BTRC: variants seen among roughly 807,000 people sequenced by gnomAD.
The protein encoded by BTRC is beta-transducin repeat containing E3 ubiquitin protein ligase.
Under a neutral mutation model 85.5 loss-of-function variants are expected in BTRC, and 42 were observed. The ratio of observed to expected loss-of-function variants is 0.49; its 90% CI spans 0.38 to 0.64. The LOEUF is 0.64. Among genes scored for constraint, BTRC ranks in the 30% least tolerant of loss-of-function variants. The pLI, the probability that BTRC is intolerant of heterozygous loss-of-function variation, is 0.00. For synonymous variants in BTRC, 255 were observed against 263.3 expected (o/e 0.97, Z 0.30); for missense variants, 594 against 743.5 (o/e 0.80, Z 2.34).
intron 4 of BTRC, among the ~76,000 whole-genome samples, chr10:101,495,342 T>A (rs943245521): frequency 1.3e-5 from 2 of 152,340 alleles, no homozygotes; most frequent in African/African-American, 4.8e-5. Flanking sequence ...TAGATATTTC[T>A]CTCCTGGCTT....
At chr10:101,414,010 AT>A (rs1482694242) in intron 1 of BTRC, among the ~76,000 whole-genome samples, 8 of 152,274 alleles carry the variant, frequency 5.3e-5, no homozygotes, top group Non-Finnish European at 5.9e-5. Flanking sequence ...CATCTTAACC[AT>A]TTTTAAGTGT....
chr10:101,362,307 T>C (rs550764089), intron 1 of BTRC, among the ~76,000 whole-genome samples: 1 of 151,978 alleles, frequency 6.6e-6, no homozygotes, highest in Non-Finnish European at 1.5e-5. Flanking sequence ...AGTTTGGCTT[T>C]CCTTTCAGGG....
chr10:101,418,687 C>G (rs1271631213), intron 1 of BTRC, among the ~76,000 whole-genome samples: 1 of 151,584 alleles, frequency 6.6e-6, no homozygotes, highest in Non-Finnish European at 1.5e-5. Flanking sequence ...GTATAATTGG[C>G]AAACAAAAAT....
intron 1 of BTRC, among the ~76,000 whole-genome samples, chr10:101,365,824 A>G (rs1202353063): frequency 6.6e-6 from 1 of 152,174 alleles, no homozygotes; most frequent in Non-Finnish European, 1.5e-5. Flanking sequence ...GTGAATATAT[A>G]TCATAATCGG....
intron 13 of BTRC, among the ~76,000 whole-genome samples, chr10:101,547,328 CTTT>C (rs71016332): frequency 1.3e-5 from 1 of 79,636 alleles, no homozygotes; most frequent in African/African-American, 4.6e-5. Flanking sequence ...TATGGTTTTT[CTTT>C]TTTTTTTTTT....
intron 3 of BTRC, among the ~76,000 whole-genome samples, chr10:101,468,751 T>C (rs1945445228): frequency 6.6e-6 from 1 of 152,200 alleles, no homozygotes; most frequent in African/African-American, 2.4e-5. Flanking sequence ...TTTGCAAGGT[T>C]AAAACAATGC....
In BTRC at chr10:101,528,702, TA is replaced by T. The variant is rs1191032672; in HGVS notation, c.743+2512del. Among the ~76,000 whole-genome samples, 11 of 151,890 alleles carry T rather than the reference TA, an allele frequency of 7.2e-5. No individual in the cohort carries two copies. In the South Asian group the frequency reaches 2.3e-3, roughly 32 times the overall value. On this transcript the variant is annotated intron_variant, in intron 6 of 14. Transcript: ENST00000370187. ...CCTGTGTCAGTTTTCTTCCCTTTTT[TA>T]AAAAAAAATTTACTCCATCAGTTTC...
intron 4 of BTRC, 29 bp from the exon 5 acceptor site, chr10:101,521,610 T>C: frequency 6.7e-7 from 1 of 1,498,938 alleles, no homozygotes; most frequent in Non-Finnish European, 9.2e-7. Context: ...TACTAATCAT[T>C]TTATGTTTCT....
At chr10:101,502,098 C>G (rs919486519) in intron 4 of BTRC, among the ~76,000 whole-genome samples, 1 of 152,124 alleles carries the variant, frequency 6.6e-6, no homozygotes, top group African/African-American at 2.4e-5. Flanking sequence ...CTGCCTATTT[C>G]TGAGAGAAAG....
chr10:101,508,725 T>C (rs1946606079), intron 4 of BTRC, among the ~76,000 whole-genome samples: 3 of 151,950 alleles, frequency 2.0e-5, no homozygotes, highest in Non-Finnish European at 4.4e-5. Flanking sequence ...CCACCCTGGC[T>C]AACACGGTGA....
At chr10:101,452,409 G>A (rs1944975066) in intron 2 of BTRC, among the ~76,000 whole-genome samples, 1 of 152,196 alleles carries the variant, frequency 6.6e-6, no homozygotes, top group South Asian at 2.1e-4. Context: ...CAACCAGATT[G>A]GAATTCTCCT....
intron 1 of BTRC, among the ~76,000 whole-genome samples, chr10:101,372,039 A>G (rs1012142040): frequency 9.2e-5 from 14 of 151,780 alleles, no homozygotes; most frequent in African/African-American, 3.4e-4. Context: ...TTGCAGGGTC[A>G]TTTTTGTCAT....
intron 4 of BTRC, among the ~76,000 whole-genome samples, chr10:101,512,840 A>G (rs2061973997): frequency 6.6e-6 from 1 of 152,188 alleles, no homozygotes; most frequent in Non-Finnish European, 1.5e-5. Context: ...TGTGGAGACA[A>G]CTGTTCACTA....
intron 2 of BTRC, among the ~76,000 whole-genome samples, chr10:101,439,226 A>G (rs536834465): frequency 3.9e-5 from 6 of 152,322 alleles, no homozygotes; most frequent in African/African-American, 1.2e-4. Context: ...TGAGATGGAA[A>G]CACAAATTGG....
At position 101,368,482 on chromosome 10, in the gene BTRC, T is replaced by C. The variant is rs1176637482; in HGVS notation, c.48+14254T>C. 1.5e-4 allele frequency among the ~76,000 whole-genome samples: 21 copies of C among 139,484 alleles called. No homozygotes were observed. The East Asian group carries it at 1.9e-3, about 13-fold the overall frequency. The allele number at this position is 139,484 out of a possible 152,430, so 91.5% of individuals were successfully genotyped here. ...TGTTTTTCTTTTTTTTTTTTTTTTT[T>C]TTTTTTTTTTTTTTAGAGACAGGGT... On this transcript the variant is annotated intron_variant, in intron 1 of 14. Coordinates refer to ENST00000370187, the MANE Select transcript of BTRC (RefSeq NM_033637.4).
chr10:101,529,029 A>G (rs1039881768), intron 6 of BTRC, among the ~76,000 whole-genome samples: 4 of 152,238 alleles, frequency 2.6e-5, no homozygotes, highest in Non-Finnish European at 5.9e-5. Context: ...TAAAAGTATA[A>G]TAAAAGACCA....
At chr10:101,471,712 T>A (rs1945530097) in intron 3 of BTRC, among the ~76,000 whole-genome samples, 1 of 152,198 alleles carries the variant, frequency 6.6e-6, no homozygotes, top group Non-Finnish European at 1.5e-5. Context: ...GCCTGTAGTT[T>A]TCTTTGTGAA....
At chr10:101,437,327 T>C (rs1944558080) in intron 2 of BTRC, among the ~76,000 whole-genome samples, 1 of 152,202 alleles carries the variant, frequency 6.6e-6, no homozygotes, top group South Asian at 2.1e-4. Flanking sequence ...GTATCACCCA[T>C]ATGCCTTCCA....
intron 13 of BTRC, among the ~76,000 whole-genome samples, chr10:101,547,891 A>G (rs2062583965): frequency 6.6e-6 from 1 of 152,224 alleles, no homozygotes; most frequent in South Asian, 2.1e-4. Context: ...TCAGGGGGCT[A>G]TAGAAGACAA....
Sources: gnomAD v4.1 joint callset for allele counts (sites outside exome capture counted in the v4.1 genomes callset) on GRCh38, gnomAD v4.1.1 for gene constraint, MANE v1.5 for transcripts, NCBI Gene and HGNC (gene_info 2026-07-23, HGNC 2026-07-21) for gene names.